MYO16: variants seen among roughly 807,000 people sequenced by gnomAD.
MYO16 encodes unconventional myosin-XVI.
Under a neutral mutation model 205.3 loss-of-function variants are expected in MYO16, and 94 were observed. The observed-to-expected ratio is 0.46, with a 90% confidence interval of 0.39 to 0.54. MYO16 has a LOEUF of 0.54. Ranked by LOEUF, MYO16 falls within the 20% of genes least tolerant of loss-of-function variation. MYO16 has a pLI of 0.00. For synonymous variants in MYO16, 988 were observed against 954.0 expected (o/e 1.04, Z -0.66); for missense variants, 2,315 against 2,387.5 (o/e 0.97, Z 0.63).
rs142598121 is a variant in MYO16 at position 109,133,864 on chromosome 13, A to C, written c.4051+6314A>C. On this transcript the variant is annotated intron_variant, in intron 31 of 34. Coordinates refer to ENST00000457511, the MANE Select transcript of MYO16 (RefSeq NM_001198950.3). ...CCCGGAAGTAGCCACAAACCAAATT[A>C]GACTTTAATTTGTTAACTGTGGTTT... Among the ~76,000 whole-genome samples, 14 of 152,362 alleles carry C rather than the reference A, an allele frequency of 9.2e-5. No individual in the cohort carries two copies. The East Asian group carries it at 2.7e-3, about 29-fold the overall frequency.
At chr13:108,496,603 A>G in the MYO16 span, among the ~76,000 whole-genome samples, 3 of 152,228 alleles carry the variant, frequency 2.0e-5, no homozygotes, top group African/African-American at 2.4e-5. Context: ...GAAAACCACT[A>G]GGCCGGTGGA....
intron 1 of MYO16, among the ~76,000 whole-genome samples, chr13:108,644,890 G>T (rs536244615): frequency 6.4e-4 from 97 of 152,326 alleles, no homozygotes; most frequent in Non-Finnish European, 8.4e-4. Flanking sequence ...AGTGTTTGAT[G>T]AAGTTAATAG....
chr13:108,952,560 G>A (rs1319361328), intron 16 of MYO16, among the ~76,000 whole-genome samples: 4 of 152,162 alleles, frequency 2.6e-5, no homozygotes, highest in East Asian at 1.9e-4. Flanking sequence ...AGTTCCCATC[G>A]CCTTTCCCTT....
At chr13:108,647,716 C>T (rs886503371) in intron 1 of MYO16, among the ~76,000 whole-genome samples, 1 of 152,172 alleles carries the variant, frequency 6.6e-6, no homozygotes, top group African/African-American at 2.4e-5. Context: ...AGCACTTTGT[C>T]CATTCCTCTT....
chr13:108,905,033 A>G (rs1350151562), intron 15 of MYO16, among the ~76,000 whole-genome samples: 3 of 152,218 alleles, frequency 2.0e-5, no homozygotes, highest in South Asian at 2.1e-4. Context: ...AATATGTGAT[A>G]GCAAGATTTT....
chr13:108,923,292 A>G (rs1739244184), intron 16 of MYO16, among the ~76,000 whole-genome samples: 1 of 152,238 alleles, frequency 6.6e-6, no homozygotes, highest in Admixed American at 6.5e-5. Context: ...ACAGATAGGA[A>G]TGGGAAATTC....
the MYO16 span, among the ~76,000 whole-genome samples, chr13:108,522,755 G>C: frequency 9.0e-6 from 1 of 110,876 alleles, no homozygotes; most frequent in Non-Finnish European, 2.1e-5. Context: ...TACCATGTGG[G>C]GTGTGTGTGT....
At chr13:108,847,374 G>C (rs75674454) in intron 10 of MYO16, among the ~76,000 whole-genome samples, 1 of 152,070 alleles carries the variant, frequency 6.6e-6, no homozygotes, top group Non-Finnish European at 1.5e-5. Context: ...GTAATATGCC[G>C]CATGGTATCC....
chr13:108,998,307 G>GCAT (rs2139454581), intron 21 of MYO16, among the ~76,000 whole-genome samples: 1 of 152,238 alleles, frequency 6.6e-6, no homozygotes, highest in East Asian at 1.9e-4. Flanking sequence ...TGGCTTAGTT[G>GCAT]CATCAGTAAT....
chr13:108,948,762 C>T (rs1166427299), intron 16 of MYO16, among the ~76,000 whole-genome samples: 1 of 152,214 alleles, frequency 6.6e-6, no homozygotes, highest in African/African-American at 2.4e-5. Flanking sequence ...AAAAGGAAAA[C>T]CCTCCTGTGA....
intron 12 of MYO16, among the ~76,000 whole-genome samples, chr13:108,873,932 C>A (rs1218175613): frequency 6.6e-6 from 1 of 152,228 alleles, no homozygotes; most frequent in African/African-American, 2.4e-5. Context: ...CCTGCATGGG[C>A]TTTACAAAAA....
At chr13:109,007,685 T>G (rs1161720596) in intron 21 of MYO16, among the ~76,000 whole-genome samples, 1 of 151,972 alleles carries the variant, frequency 6.6e-6, no homozygotes, top group Non-Finnish European at 1.5e-5. Flanking sequence ...TTTTAAATAC[T>G]TTAAGATAAA....
intron 10 of MYO16, among the ~76,000 whole-genome samples, chr13:108,844,955 G>A (rs1028605823): frequency 6.6e-6 from 1 of 152,124 alleles, no homozygotes; most frequent in Admixed American, 6.6e-5. Context: ...GTGTGTGTGT[G>A]TGCATATGTG....
At chr13:108,552,391 G>A in the MYO16 span, among the ~76,000 whole-genome samples, 62 of 152,196 alleles carry the variant, frequency 4.1e-4, no homozygotes, top group Middle Eastern at 3.4e-3. Context: ...TTGTTGAAAC[G>A]TGTTTTATTT....
At chr13:109,045,977 CGA>C (rs753913844) in intron 23 of MYO16, among the ~76,000 whole-genome samples, 5,005 of 151,744 alleles carry the variant, frequency 0.033, 129 homozygotes, top group South Asian at 0.055. Context: ...CTCCCTCAGG[CGA>C]GGAGGCAAAT....
chr13:108,831,363 G>A (rs1020730538), intron 9 of MYO16, among the ~76,000 whole-genome samples: 5 of 152,126 alleles, frequency 3.3e-5, no homozygotes, highest in Non-Finnish European at 7.4e-5. Context: ...GCTAAATCTA[G>A]CAAGCCTTTA....
chr13:108,901,928 G>T lies in MYO16; in HGVS notation c.1777+3795G>T, dbSNP rs147451672. Among the ~76,000 whole-genome samples the T allele has an allele frequency of 7.3e-3, 1,112 of 152,286 alleles. 13 individuals are homozygous for T. The highest frequency in any genetic ancestry group is 0.025 in the African/African-American group (1,055 of 41,556). ...GAGACTGGGAATCAGTTGTTTCCTG[G>T]TTTTAAGAAGAGAAATAAAAGGAAT... On this transcript the variant is annotated intron_variant, in intron 15 of 34. Coordinates refer to ENST00000457511, the MANE Select transcript of MYO16 (RefSeq NM_001198950.3).
At chr13:108,498,278 C>T in the MYO16 span, among the ~76,000 whole-genome samples, 15 of 152,132 alleles carry the variant, frequency 9.9e-5, no homozygotes, top group African/African-American at 3.6e-4. Context: ...CAAGCTTGCT[C>T]TACCCCAAGT....
the MYO16 span, among the ~76,000 whole-genome samples, chr13:108,568,418 T>A: frequency 2.6e-5 from 4 of 152,148 alleles, no homozygotes; most frequent in East Asian, 7.7e-4. Context: ...TCATTGTGGT[T>A]GTACTTCACA....
Sources: gnomAD v4.1 joint callset for allele counts (sites outside exome capture counted in the v4.1 genomes callset) on GRCh38, gnomAD v4.1.1 for gene constraint, MANE v1.5 for transcripts, NCBI Gene and HGNC (gene_info 2026-07-23, HGNC 2026-07-21) for gene names.